The following PRKCE variants were observed in gnomAD, a reference collection of about 807,000 sequenced individuals.
The protein encoded by PRKCE is protein kinase C epsilon.
In PRKCE, 16 loss-of-function variants were observed where a neutral mutation model predicts 85.4. That is an observed-to-expected ratio of 0.19 (90% CI 0.13 to 0.28). PRKCE has a LOEUF of 0.28. Ranked by LOEUF, PRKCE falls within the 10% of genes least tolerant of loss-of-function variation. The probability of loss-of-function intolerance (pLI) is 1.00; values close to 1 mark genes in which losing one functional copy is unlikely to be tolerated. For missense variants in PRKCE, 573 were observed against 975.2 expected, an observed-to-expected ratio of 0.59 and a Z score of 5.49; for synonymous variants, 388 against 371.5, an observed-to-expected ratio of 1.04 and a Z score of -0.51.
intron 10 of PRKCE, among the ~76,000 whole-genome samples, chr2:46,079,319 C>G (rs1668845586): frequency 6.6e-6 from 1 of 152,138 alleles, no homozygotes; most frequent in African/African-American, 2.4e-5. Flanking sequence ...ACTTCACAGT[C>G]TGATTGGATA....
At chr2:45,841,748 G>A (rs980124682) in intron 1 of PRKCE, among the ~76,000 whole-genome samples, 1 of 152,232 alleles carries the variant, frequency 6.6e-6, no homozygotes, top group Non-Finnish European at 1.5e-5. Flanking sequence ...ACAGATGAGG[G>A]GCTAATTAAT....
intron 1 of PRKCE, among the ~76,000 whole-genome samples, chr2:45,714,914 C>T (rs1679960463): frequency 1.3e-5 from 2 of 152,308 alleles, no homozygotes; most frequent in South Asian, 2.1e-4. Flanking sequence ...TGGTTGCAGC[C>T]TCATGGTTTG....
intron 6 of PRKCE, among the ~76,000 whole-genome samples, chr2:45,995,413 A>G (rs77065207): frequency 1.3e-5 from 2 of 152,208 alleles, no homozygotes; most frequent in African/African-American, 4.8e-5. Context: ...TTGCATCAAG[A>G]AAGTTATCTG....
chr2:45,756,429 T>C (rs1684010610), intron 1 of PRKCE, among the ~76,000 whole-genome samples: 1 of 152,228 alleles, frequency 6.6e-6, no homozygotes, highest in Non-Finnish European at 1.5e-5. Context: ...GAAAACATTT[T>C]GCAAGTTTCT....
chr2:45,728,836 T>G (rs563922438), intron 1 of PRKCE, among the ~76,000 whole-genome samples: 1 of 152,340 alleles, frequency 6.6e-6, no homozygotes, highest in South Asian at 2.1e-4. Context: ...CCATCATCTC[T>G]CCTTTAAGGT....
chr2:45,984,009 C>G (rs1431859845), intron 5 of PRKCE, among the ~76,000 whole-genome samples: 1 of 147,294 alleles, frequency 6.8e-6, no homozygotes, highest in African/African-American at 2.5e-5. Flanking sequence ...ATGATCTTGG[C>G]TCACTGCAAC....
At chr2:46,081,387 A>C (rs530667840) in intron 10 of PRKCE, among the ~76,000 whole-genome samples, 8 of 152,334 alleles carry the variant, frequency 5.3e-5, no homozygotes, top group Non-Finnish European at 1.2e-4. Flanking sequence ...CTTCTCTTTC[A>C]GGTTAGTTCA....
intron 2 of PRKCE, among the ~76,000 whole-genome samples, chr2:45,962,752 G>A (rs868745688): frequency 6.6e-6 from 1 of 152,190 alleles, no homozygotes; most frequent in African/African-American, 2.4e-5. Context: ...CCCTGGCCTG[G>A]GAGAAGTGCC....
rs575847540 is a variant in PRKCE, at chr2:45,937,583, C to T, written c.413-38846C>T. 9.2e-5 allele frequency among the ~76,000 whole-genome samples: 14 copies of T among 152,164 alleles called. No homozygotes were observed. The South Asian group carries it at 2.3e-3, about 25-fold the overall frequency. On this transcript the variant is annotated intron_variant, in intron 2 of 14. Transcript: ENST00000306156. Reference sequence around the variant, plus strand: ...AAAAAAAATTAGCCAGGCCTGGTGGCGGGCACCTGTAGTCCCAGCTACTCG... The same window carrying T: ...AAAAAAAATTAGCCAGGCCTGGTGGTGGGCACCTGTAGTCCCAGCTACTCG...
At chr2:46,012,567 C>T (rs184699240) in intron 10 of PRKCE, among the ~76,000 whole-genome samples, 54 of 152,294 alleles carry the variant, frequency 3.5e-4, no homozygotes, top group Admixed American at 8.5e-4. Flanking sequence ...CTCTCACTAT[C>T]TGAGGTGGCT....
intron 11 of PRKCE, among the ~76,000 whole-genome samples, chr2:46,108,142 G>T (rs998447647): frequency 3.3e-5 from 5 of 152,064 alleles, no homozygotes; most frequent in African/African-American, 7.2e-5. Flanking sequence ...TGCCCAGGCG[G>T]GTCTCTAACT....
chr2:45,835,675 C>T (rs776306178), intron 1 of PRKCE, among the ~76,000 whole-genome samples: 1 of 151,366 alleles, frequency 6.6e-6, no homozygotes, highest in Non-Finnish European at 1.5e-5. Context: ...ACTGCAGCCT[C>T]AAACTCCCAG....
intron 10 of PRKCE, among the ~76,000 whole-genome samples, chr2:46,054,951 C>T (rs1001494671): frequency 9.2e-5 from 14 of 152,276 alleles, no homozygotes; most frequent in Admixed American, 6.5e-4. Flanking sequence ...CTGGCCATCC[C>T]GGGGAAGATC....
At chr2:46,182,110 C>A (rs541967936) in intron 14 of PRKCE, among the ~76,000 whole-genome samples, 1 of 152,296 alleles carries the variant, frequency 6.6e-6, no homozygotes, top group South Asian at 2.1e-4. Context: ...GCTCCCCCGG[C>A]GTGGATGCTC....
chr2:46,169,293 G>T (rs995152398), intron 14 of PRKCE, among the ~76,000 whole-genome samples: 1 of 152,186 alleles, frequency 6.6e-6, no homozygotes, highest in African/African-American at 2.4e-5. Context: ...ACATTCCATT[G>T]TTATTCTGGA....
chr2:45,980,494 T>C, intron 5 of PRKCE, 113 bp downstream of exon 5: 3 of 995,404 alleles, frequency 3.0e-6, no homozygotes, highest in Non-Finnish European at 3.0e-6. Flanking sequence ...TGTCATTTCA[T>C]TGTGTTGATA....
At chr2:46,121,530 C>T (rs562073123) in intron 11 of PRKCE, among the ~76,000 whole-genome samples, 1 of 152,236 alleles carries the variant, frequency 6.6e-6, no homozygotes, top group South Asian at 2.1e-4. Context: ...ACACAGTGGA[C>T]TCTGAGATAT....
At chr2:45,741,673 A>T (rs73926048) in intron 1 of PRKCE, among the ~76,000 whole-genome samples, 21 of 152,128 alleles carry the variant, frequency 1.4e-4, no homozygotes, top group African/African-American at 5.1e-4. Flanking sequence ...CCAGGCTGTA[A>T]GGTACTGCTG....
intron 10 of PRKCE, among the ~76,000 whole-genome samples, chr2:46,070,185 C>T (rs1321393606): frequency 6.6e-6 from 1 of 152,214 alleles, no homozygotes; most frequent in Non-Finnish European, 1.5e-5. Context: ...CCTTTGGTCA[C>T]AGGGAGAACT....
Sources: gnomAD v4.1 joint callset for allele counts (sites outside exome capture counted in the v4.1 genomes callset) on GRCh38, gnomAD v4.1.1 for gene constraint, MANE v1.5 for transcripts, NCBI Gene and HGNC (gene_info 2026-07-23, HGNC 2026-07-21) for gene names.